CELF2: variants seen among roughly 807,000 people sequenced by gnomAD.
CELF2 encodes CUGBP Elav-like family member 2.
Under a neutral mutation model 62.6 loss-of-function variants are expected in CELF2, and 8 were observed. The observed-to-expected ratio is 0.13, with a 90% confidence interval of 0.07 to 0.23. CELF2 has a LOEUF of 0.23. Among genes scored for constraint, CELF2 ranks in the 10% least tolerant of loss-of-function variants. The probability of loss-of-function intolerance (pLI) is 1.00; values close to 1 mark genes in which losing one functional copy is unlikely to be tolerated. For synonymous variants in CELF2, 258 were observed against 250.0 expected (o/e 1.03, Z -0.30); for missense variants, 333 against 671.0 (o/e 0.50, Z 5.56).
In CELF2 at chr10:10,997,059, A is replaced by T. The variant is rs977302932; in HGVS notation, c.89+77060A>T. Among the ~76,000 whole-genome samples the T allele has an allele frequency of 2.0e-5, 3 of 152,124 alleles. No homozygotes were observed. Among genetic ancestry groups the T allele is most frequent in the Non-Finnish European group, 2.9e-5 (2 of 68,020 alleles). On this transcript the variant is annotated intron_variant, in intron 2 of 13. Coordinates refer to the CELF2 transcript ENST00000636488. This position sits in a 1 kb window ranked among gnomAD's most constrained non-coding sequence, Gnocchi z 5.3. ...TTCACATTGTGATTCTACTGCTAAA[A>T]TCTGCTTTGGCCCTTCTCCTCTCTC...
At chr10:11,034,920 C>T (rs191352008) in intron 1 of CELF2, among the ~76,000 whole-genome samples, 19 of 152,260 alleles carry the variant, frequency 1.2e-4, no homozygotes, top group African/African-American at 4.3e-4. Context: ...CGAGATCCAA[C>T]CTGAGGCTCT....
intron 1 of CELF2, among the ~76,000 whole-genome samples, chr10:11,024,899 T>A (rs1030442308): frequency 6.6e-6 from 1 of 152,232 alleles, no homozygotes; most frequent in African/African-American, 2.4e-5. Context: ...ACCATAACAG[T>A]GTACTCCCAA....
chr10:11,131,111 C>T (rs1167445517), intron 1 of CELF2, among the ~76,000 whole-genome samples: 1 of 152,212 alleles, frequency 6.6e-6, no homozygotes, highest in African/African-American at 2.4e-5. Flanking sequence ...TAGCAATACA[C>T]CTCAAAGTTT....
the CELF2 span, among the ~76,000 whole-genome samples, chr10:10,526,581 C>A: frequency 6.6e-6 from 1 of 152,164 alleles, no homozygotes; most frequent in Non-Finnish European, 1.5e-5. Flanking sequence ...AAATTCAACT[C>A]CCTCCTGGAC....
Position 11,309,226 on chromosome 10 carries a change from C to G in CELF2, c.977-4913C>G, listed in dbSNP as rs2094439618. Reference sequence around the variant, plus strand: ...TCATAGCTTTCTATTAACAACAGGACATTGTAGATGTTACAGCACTTCTGG... The same window carrying G: ...TCATAGCTTTCTATTAACAACAGGAGATTGTAGATGTTACAGCACTTCTGG... On this transcript the variant is annotated intron_variant, in intron 9 of 12. Coordinates refer to ENST00000633077, the MANE Select transcript of CELF2 (RefSeq NM_001326342.2). This position sits in a 1 kb window ranked among gnomAD's most constrained non-coding sequence, Gnocchi z 5.6. Among the ~76,000 whole-genome samples the G allele has an allele frequency of 6.6e-6, 1 of 152,198 alleles. No homozygotes were observed. The highest frequency in any genetic ancestry group is 2.1e-4 in the South Asian group (1 of 4,822).
the CELF2 span, among the ~76,000 whole-genome samples, chr10:10,575,605 C>T: frequency 6.6e-6 from 1 of 152,166 alleles, no homozygotes; most frequent in African/African-American, 2.4e-5. Context: ...TCTGTCTGAC[C>T]TAACATCAAA....
rs529206027 is a variant in CELF2 at position 10,938,671 on chromosome 10, C to T, written c.89+18672C>T. On this transcript the variant is annotated intron_variant, in intron 2 of 13. Transcript: ENST00000636488. This position sits in a 1 kb window ranked among gnomAD's most constrained non-coding sequence, Gnocchi z 4.2. ...GAGTTTGTAGGTTCACTGAATTTCCCCAAAGAAGATCCTGAGACAAGAATT... is the reference window on the plus strand; with the variant it reads ...GAGTTTGTAGGTTCACTGAATTTCCTCAAAGAAGATCCTGAGACAAGAATT... Among the ~76,000 whole-genome samples, 1 of 151,792 alleles carries T rather than the reference C, an allele frequency of 6.6e-6. No homozygotes were observed. The highest frequency in any genetic ancestry group is 1.9e-4 in the East Asian group (1 of 5,144).
chr10:10,670,008 T>G, the CELF2 span, among the ~76,000 whole-genome samples: 3 of 151,626 alleles, frequency 2.0e-5, no homozygotes, highest in Non-Finnish European at 2.9e-5. Flanking sequence ...GTTCAAGCGA[T>G]TCTCCTGCCT....
At chr10:10,621,175 T>C in the CELF2 span, among the ~76,000 whole-genome samples, 5 of 129,514 alleles carry the variant, frequency 3.9e-5, no homozygotes, top group South Asian at 2.5e-4. Context: ...ACCCAGGAGG[T>C]GGAGCTTGCA....
chr10:10,691,522 A>G, the CELF2 span, among the ~76,000 whole-genome samples: 2 of 151,946 alleles, frequency 1.3e-5, no homozygotes, highest in African/African-American at 2.4e-5. Flanking sequence ...GTATATACCC[A>G]GTAATGGGAT....
At chr10:10,715,841 T>C in the CELF2 span, among the ~76,000 whole-genome samples, 1 of 152,194 alleles carries the variant, frequency 6.6e-6, no homozygotes, top group African/African-American at 2.4e-5. Flanking sequence ...TTTAAACTGG[T>C]ATATCCTTTG....
the CELF2 span, among the ~76,000 whole-genome samples, chr10:10,587,114 T>G: frequency 6.6e-6 from 1 of 152,166 alleles, no homozygotes; most frequent in South Asian, 2.1e-4. Context: ...CTTTAACCAC[T>G]TTGTCATGCT....
the CELF2 span, among the ~76,000 whole-genome samples, chr10:10,601,518 C>T: frequency 6.6e-6 from 1 of 152,150 alleles, no homozygotes; most frequent in Non-Finnish European, 1.5e-5. Context: ...AGGAAAGCTC[C>T]TTCTGAAATG....
the CELF2 span, among the ~76,000 whole-genome samples, chr10:10,587,924 G>A: frequency 1.3e-5 from 2 of 152,056 alleles, no homozygotes; most frequent in African/African-American, 2.4e-5. Context: ...TTGGGAAAAG[G>A]TTTACAAGAT....
At chr10:10,607,635 T>C in the CELF2 span, among the ~76,000 whole-genome samples, 1 of 152,184 alleles carries the variant, frequency 6.6e-6, no homozygotes, top group African/African-American at 2.4e-5. Context: ...CTTCTTCAAA[T>C]GCAAGACTTC....
intron 2 of CELF2, chr10:10,935,024 T>C (rs763469832): frequency 5.9e-5 from 9 of 152,256 alleles, no homozygotes; most frequent in East Asian, 1.9e-4. Context: ...GACTTCATCA[T>C]AGACTGTGCT....
chr10:11,095,622 C>T (rs948545616), intron 1 of CELF2, among the ~76,000 whole-genome samples: 49 of 152,198 alleles, frequency 3.2e-4, no homozygotes, highest in African/African-American at 1.0e-3. Context: ...TGGGAAACAG[C>T]ATCTCAGCTT....
At chr10:10,656,636 G>C in the CELF2 span, among the ~76,000 whole-genome samples, 23,756 of 92,492 alleles carry the variant, frequency 0.26, 2,985 homozygotes, top group South Asian at 0.44. Context: ...AAACCAAACA[G>C]CGCATATTCT....
rs1220118708 is a variant in CELF2, at chr10:11,285,777, CCT to C, written c.842-2640_842-2639del. Among the ~76,000 whole-genome samples, 2 of 149,642 alleles carry C rather than the reference CCT, an allele frequency of 1.3e-5. No homozygotes were observed. Among genetic ancestry groups the C allele is most frequent in the Non-Finnish European group, 3.0e-5 (2 of 67,648 alleles). On this transcript the variant is annotated intron_variant, in intron 8 of 12. Coordinates refer to ENST00000633077, the MANE Select transcript of CELF2 (RefSeq NM_001326342.2). The surrounding 1 kb of genome is among the most constrained non-coding windows in gnomAD (Gnocchi z 4.3). ...TGTAAATGTCAAACTTGTCTGTTAC[CCT>C]GTTTGTTTGTCTTACATAGATTTGC... is the stretch of plus-strand genomic sequence containing the variant.
Sources: allele counts gnomAD v4.1 joint callset (sites outside exome capture counted in the v4.1 genomes callset), GRCh38; gene constraint gnomAD v4.1.1; non-coding constraint Gnocchi (gnomAD v3.1); transcripts MANE v1.5; gene names NCBI Gene and HGNC (gene_info 2026-07-23, HGNC 2026-07-21).